The following RYR2 variants were observed in gnomAD, a reference collection of about 807,000 sequenced individuals.
RYR2 encodes the protein ryanodine receptor 2.
A neutral mutation model predicts 601.1 loss-of-function variants in RYR2; 227 were observed. The observed-to-expected ratio is 0.38, with a 90% CI of 0.34 to 0.42. The LOEUF is 0.42. Ranked by LOEUF, RYR2 falls within the 10% of genes least tolerant of loss-of-function variation. The pLI is 1.00. For missense variants in RYR2, 4,646 were observed against 6,156.5 expected, an observed-to-expected ratio of 0.75 and a Z score of 8.21; for synonymous variants, 2,223 against 2,175.1, an observed-to-expected ratio of 1.02 and a Z score of -0.61.
chr1:237,588,210 T>C (rs563010334), intron 29 of RYR2, among the ~76,000 whole-genome samples: 1 of 152,148 alleles, frequency 6.6e-6, no homozygotes, highest in Non-Finnish European at 1.5e-5. Context: ...TTTTTCCTGG[T>C]TGGTGGCACT....
intron 17 of RYR2, among the ~76,000 whole-genome samples, chr1:237,480,984 G>A (rs1011405508): frequency 1.3e-5 from 2 of 151,510 alleles, no homozygotes; most frequent in Non-Finnish European, 2.9e-5. Flanking sequence ...AAGATTTAAT[G>A]GGCTTATTTT....
chr1:237,390,741 C>G (rs1216843670), intron 10 of RYR2, among the ~76,000 whole-genome samples: 2 of 152,114 alleles, frequency 1.3e-5, no homozygotes, highest in Non-Finnish European at 2.9e-5. Context: ...TCTGGACCCA[C>G]TCTCCCTTTG....
intron 1 of RYR2, among the ~76,000 whole-genome samples, chr1:237,213,482 T>A (rs1682813094): frequency 6.6e-6 from 1 of 152,204 alleles, no homozygotes; most frequent in Admixed American, 6.5e-5. Context: ...CTGGCCTTTT[T>A]TTGTTTTGTA....
intron 44 of RYR2, among the ~76,000 whole-genome samples, chr1:237,635,353 T>C (rs1680768833): frequency 6.6e-6 from 1 of 152,224 alleles, no homozygotes; most frequent in South Asian, 2.1e-4. Flanking sequence ...TGTATTCTTA[T>C]GTGTTTTTTT....
intron 88 of RYR2, among the ~76,000 whole-genome samples, chr1:237,780,307 A>C (rs547391649): frequency 5.9e-5 from 9 of 152,180 alleles, no homozygotes; most frequent in Non-Finnish European, 1.0e-4. Context: ...TATTTTGGTA[A>C]GTAAAGGAAA....
At chr1:237,124,996 C>T (rs920799230) in intron 1 of RYR2, among the ~76,000 whole-genome samples, 4 of 152,194 alleles carry the variant, frequency 2.6e-5, no homozygotes, top group African/African-American at 9.7e-5. Context: ...GACCACCAGC[C>T]GTTTTGAAGG....
intron 21 of RYR2, 73 bp from the exon 22 acceptor site, chr1:237,503,216 C>T (rs1664849316): frequency 7.2e-7 from 1 of 1,379,992 alleles, no homozygotes; most frequent in African/African-American, 1.4e-5. Flanking sequence ...CAATTTTTCC[C>T]TAAGATTTTG....
intron 16 of RYR2, among the ~76,000 whole-genome samples, chr1:237,463,229 A>C (rs1377411341): frequency 1.3e-5 from 2 of 152,142 alleles, no homozygotes; most frequent in Admixed American, 6.6e-5. Context: ...TAGTGTTTCC[A>C]GGCTTTGAAT....
In RYR2 at chr1:237,660,925, G is replaced by A. The variant is rs1247067433; in HGVS notation, c.8414G>A (p.Arg2805His). The A allele has an allele frequency of 9.7e-6, 14 of 1,448,292 alleles. No individual in the cohort carries two copies. The highest frequency in any genetic ancestry group is 2.6e-5 in the East Asian group (1 of 38,450). 89.7% of individuals were successfully genotyped at this position (1,448,292 alleles called of 1,614,324 possible). A position where few individuals can be genotyped will look rare whatever the true frequency, so the allele number is the denominator to read the frequency against. Residue 2805 changes from arginine to histidine, a missense_variant, in exon 56 of 105, where the codon CGT (arginine) becomes CAT (histidine). Transcript: ENST00000366574. ...GDSMALYNRT[R>H]RISQTSQVSV... ...AGCATGGCCCTTTACAACCGGACTCGTCGTATTTCTCAGACAAGCCAGGTA... is the reference window on the plus strand; with the variant it reads ...AGCATGGCCCTTTACAACCGGACTCATCGTATTTCTCAGACAAGCCAGGTA...
At chr1:237,338,693 T>C (rs915694366) in intron 3 of RYR2, among the ~76,000 whole-genome samples, 2 of 152,200 alleles carry the variant, frequency 1.3e-5, no homozygotes, top group African/African-American at 4.8e-5. Context: ...CATATTTCTT[T>C]TACATCCTCA....
At chr1:237,247,417 T>A (rs1686965152) in intron 1 of RYR2, among the ~76,000 whole-genome samples, 2 of 152,192 alleles carry the variant, frequency 1.3e-5, no homozygotes, top group South Asian at 4.1e-4. Context: ...CTGTCAGGGC[T>A]AATCTTTAAT....
chr1:237,196,057 G>A (rs548762838), intron 1 of RYR2, among the ~76,000 whole-genome samples: 2 of 152,248 alleles, frequency 1.3e-5, no homozygotes, highest in East Asian at 3.9e-4. Context: ...TAAGGACATC[G>A]TAGCAGTGCT....
chr1:237,114,779 T>C (rs1669875892), intron 1 of RYR2, among the ~76,000 whole-genome samples: 1 of 152,222 alleles, frequency 6.6e-6, no homozygotes, highest in Non-Finnish European at 1.5e-5. Context: ...TGTACTGACC[T>C]TGGGCAAGTT....
intron 5 of RYR2, among the ~76,000 whole-genome samples, chr1:237,368,919 G>A (rs1215392082): frequency 1.3e-5 from 2 of 152,000 alleles, no homozygotes; most frequent in Non-Finnish European, 2.9e-5. Flanking sequence ...CACCTCCCGG[G>A]TTCAAGCAGT....
chr1:237,201,544 T>C (rs1041895146), intron 1 of RYR2, among the ~76,000 whole-genome samples: 5 of 152,208 alleles, frequency 3.3e-5, no homozygotes, highest in African/African-American at 1.2e-4. Context: ...GTATTAGATA[T>C]GAAATTAATT....
intron 37 of RYR2, among the ~76,000 whole-genome samples, chr1:237,615,360 T>G (rs1678351529): frequency 6.6e-6 from 1 of 152,124 alleles, no homozygotes; most frequent in South Asian, 2.1e-4. Context: ...CAGTTAATTT[T>G]TTTTTATTTT....
intron 62 of RYR2, among the ~76,000 whole-genome samples, chr1:237,684,892 G>GA (rs1415257488): frequency 6.7e-6 from 1 of 149,022 alleles, no homozygotes; most frequent in East Asian, 2.0e-4. Context: ...AGGGTTTTTG[G>GA]AAATAGGTCT....
chr1:237,363,775 G>A (rs886296581), intron 4 of RYR2, among the ~76,000 whole-genome samples: 2 of 151,862 alleles, frequency 1.3e-5, no homozygotes, highest in African/African-American at 4.8e-5. Flanking sequence ...AAAGGAGACT[G>A]TGTCATTTTA....
intron 1 of RYR2, among the ~76,000 whole-genome samples, chr1:237,145,126 G>A (rs904499710): frequency 2.0e-5 from 3 of 151,962 alleles, no homozygotes; most frequent in Non-Finnish European, 2.9e-5. Context: ...TGTAGATGAC[G>A]GGTTGATGGG....
Sources: gnomAD v4.1 joint callset for allele counts (sites outside exome capture counted in the v4.1 genomes callset) on GRCh38, gnomAD v4.1.1 for gene constraint, MANE v1.5 for transcripts, NCBI Gene and HGNC (gene_info 2026-07-23, HGNC 2026-07-21) for gene names.